Variants in SSH1 observed in about 807,000 individuals in gnomAD.
SSH1 encodes the protein protein phosphatase Slingshot homolog 1.
Under a neutral mutation model 79.7 loss-of-function variants are expected in SSH1, and 43 were observed. The observed-to-expected ratio is 0.54, with a 90% CI of 0.42 to 0.70. The LOEUF is 0.70. Among genes scored for constraint, SSH1 ranks in the 30% least tolerant of loss-of-function variants. SSH1 has a pLI of 0.00. For missense variants in SSH1, 1,206 were observed against 1,358.8 expected (o/e 0.89, Z 1.77); for synonymous variants, 599 against 538.3 (o/e 1.11, Z -1.56).
chr12:108,816,913 C>T, intron 5 of SSH1, 125 bp downstream of exon 5: 2 of 1,471,008 alleles, frequency 1.4e-6, no homozygotes, highest in Non-Finnish European at 1.9e-6. Flanking sequence ...TGGCTCGACT[C>T]CCCAGGCTCT....
At chr12:108,797,377 G>A (rs1435753123) in intron 13 of SSH1, among the ~76,000 whole-genome samples, 1 of 152,022 alleles carries the variant, frequency 6.6e-6, no homozygotes, top group East Asian at 1.9e-4. Flanking sequence ...TAGGCAGACA[G>A]GTGCGGGTCC....
intron 13 of SSH1, among the ~76,000 whole-genome samples, chr12:108,794,747 C>T (rs2036668677): frequency 6.6e-6 from 1 of 152,086 alleles, no homozygotes. Flanking sequence ...ACACACCTCC[C>T]TCATATCTTG....
At chr12:108,852,883 A>G in intron 1 of SSH1, 33 of 985,376 alleles carry the variant, frequency 3.3e-5, no homozygotes, top group Non-Finnish European at 3.9e-5. Flanking sequence ...AGGTTTCCAA[A>G]TGTTGACCCA....
chr12:108,838,975 T>G (rs1240970712), intron 2 of SSH1, among the ~76,000 whole-genome samples: 1 of 152,228 alleles, frequency 6.6e-6, no homozygotes, highest in Non-Finnish European at 1.5e-5. Context: ...CGTGTCCCGA[T>G]TTTCTCACTA....
chr12:108,818,188 A>G, intron 4 of SSH1, 61 bp downstream of exon 4: 1,966 of 1,012,810 alleles, frequency 1.9e-3, no homozygotes, highest in Non-Finnish European at 2.8e-3. Flanking sequence ...ACAGAGCAAG[A>G]CCCTCATCTC....
intron 2 of SSH1, among the ~76,000 whole-genome samples, chr12:108,829,123 T>C (rs1379271689): frequency 6.6e-6 from 1 of 151,930 alleles, no homozygotes; most frequent in African/African-American, 2.4e-5. Flanking sequence ...AGGTCAGGAG[T>C]TCGAGACTAG....
Position 108,841,216 on chromosome 12 carries a change from T to G in SSH1, c.110+11422A>C, listed in dbSNP as rs1193407680. Among the ~76,000 whole-genome samples, 3 of 152,224 alleles carry G rather than the reference T, an allele frequency of 2.0e-5. No individual in the cohort carries two copies. In the East Asian group the frequency reaches 5.8e-4, roughly 29 times the overall value. On this transcript the variant is annotated intron_variant, in intron 2 of 14. Transcript: ENST00000326495. ...AGCTTTGCCCCATTTATCATGAAGA[T>G]GAACGCTGGTAACACTGCTACCTAC...
At chr12:108,854,838 G>A (rs1163662277) in intron 1 of SSH1, among the ~76,000 whole-genome samples, 3 of 152,170 alleles carry the variant, frequency 2.0e-5, no homozygotes, top group Non-Finnish European at 4.4e-5. Flanking sequence ...GCGGACCAGG[G>A]CAGAACCGGC....
intron 1 of SSH1, among the ~76,000 whole-genome samples, chr12:108,853,802 T>C (rs1714523809): frequency 6.6e-6 from 1 of 151,646 alleles, no homozygotes; most frequent in Non-Finnish European, 1.5e-5. Flanking sequence ...CATGTACCTG[T>C]AATCCCAGCT....
chr12:108,804,833 G>A (rs542197625), intron 10 of SSH1, among the ~76,000 whole-genome samples: 1 of 152,310 alleles, frequency 6.6e-6, no homozygotes, highest in South Asian at 2.1e-4. Context: ...ACTCCCCGCA[G>A]CTCAGCTGGA....
intron 3 of SSH1, among the ~76,000 whole-genome samples, chr12:108,819,189 C>T (rs2137166002): frequency 6.6e-6 from 1 of 152,308 alleles, no homozygotes; most frequent in South Asian, 2.1e-4. Flanking sequence ...TGAATAGAAA[C>T]CAATCTGTCA....
In SSH1 at chr12:108,792,395, C is replaced by G. The variant is rs2036545910; in HGVS notation, c.1784G>C (p.Gly595Ala). The change falls in exon 14 of 15, where the codon GGC becomes GCC. Residue 595 changes from glycine to alanine, a missense_variant. Gly to Ala is a moderately conservative substitution (Grantham distance 60). Transcript: ENST00000326495. ...LQVEETEREE[G>A]LGAGRWGQLP... ...CTGCCCCCACCTCCCTGCTCCCAGGCCCTCCTCCCTTTCCGTCTCCTCCAC... is the reference window on the plus strand; with the variant it reads ...CTGCCCCCACCTCCCTGCTCCCAGGGCCTCCTCCCTTTCCGTCTCCTCCAC... 1 of 1,614,194 alleles carries G rather than the reference C, an allele frequency of 6.2e-7. No homozygotes were observed. Among genetic ancestry groups the G allele is most frequent in the South Asian group, 1.1e-5 (1 of 91,084 alleles).
Position 108,823,293 on chromosome 12 carries a change from C to G in SSH1, c.179G>C (p.Gly60Ala), listed in dbSNP as rs147144616. The change falls in exon 3 of 15, where the codon GGC (glycine) becomes GCC (alanine). Residue 60 changes from glycine to alanine, a missense_variant. This residue lies in a region of SSH1 where 100 missense variants were observed against 82.3 expected (regional missense o/e 1.21). Coordinates refer to ENST00000326495, the MANE Select transcript of SSH1 (RefSeq NM_018984.4). ...LFLQQGSSPQGQRSLQHPHKH... is the reference protein window; with the variant it reads ...LFLQQGSSPQAQRSLQHPHKH... ...GTGGGGGTGCTGAAGACTCCGCTGG[C>G]CTTGAGGGCTGCTTCCCTGTTGTAA... is the stretch of plus-strand genomic sequence containing the variant. 8.1e-4 allele frequency: 1,288 copies of G among 1,590,244 alleles called. 10 individuals carry two copies. In the African/African-American group the frequency reaches 0.016, roughly 20 times the overall value.
At chr12:108,845,631 G>A (rs769879065) in intron 2 of SSH1, among the ~76,000 whole-genome samples, 2 of 152,214 alleles carry the variant, frequency 1.3e-5, no homozygotes, top group Admixed American at 6.5e-5. Flanking sequence ...AGGTTGCAGC[G>A]AGCTGAGATT....
At chr12:108,832,627 C>T (rs959330568) in intron 2 of SSH1, among the ~76,000 whole-genome samples, 2 of 152,192 alleles carry the variant, frequency 1.3e-5, no homozygotes, top group Non-Finnish European at 2.9e-5. Context: ...GAGAGATTAG[C>T]TAAAGACTGC....
At position 108,785,162 on chromosome 12, in the gene SSH1, C is replaced by G. The variant is rs1488098558; in HGVS notation, c.*2826G>C. ...AGTTTCACTCCCAGTTTCATTGCACCCAGGCTGGAGTGCAGTGGCGCGATC... is the reference window on the plus strand; with the variant it reads ...AGTTTCACTCCCAGTTTCATTGCACGCAGGCTGGAGTGCAGTGGCGCGATC... On this transcript the variant is annotated 3_prime_UTR_variant, in exon 15 of 15. Transcript: ENST00000326495. 6.6e-6 allele frequency: 1 copy of G among 152,182 alleles called. No individual in the cohort carries two copies. The highest frequency in any genetic ancestry group is 2.4e-5 in the African/African-American group (1 of 41,432). 9.4% of individuals were successfully genotyped at this position (152,182 alleles called of 1,614,324 possible).
intron 12 of SSH1, among the ~76,000 whole-genome samples, chr12:108,799,717 G>A (rs1368288749): frequency 6.6e-6 from 1 of 152,222 alleles, no homozygotes; most frequent in Non-Finnish European, 1.5e-5. Flanking sequence ...AGACAGGAGG[G>A]CCAGGGAGCA....
At chr12:108,828,328 T>C (rs2038382299) in intron 2 of SSH1, among the ~76,000 whole-genome samples, 1 of 152,154 alleles carries the variant, frequency 6.6e-6, no homozygotes, top group Non-Finnish European at 1.5e-5. Flanking sequence ...AACCCCAGCT[T>C]GCCTAGGAGC....
At chr12:108,790,803 G>A (rs949739604) in intron 14 of SSH1, among the ~76,000 whole-genome samples, 2 of 152,186 alleles carry the variant, frequency 1.3e-5, no homozygotes, top group Non-Finnish European at 2.9e-5. Context: ...TGAGAACCAC[G>A]GCTGTCCTGT....
Sources: gnomAD v4.1 joint callset for allele counts (sites outside exome capture counted in the v4.1 genomes callset) on GRCh38, gnomAD v4.1.1 for gene constraint, gnomAD v4.1.1 regional missense constraint, MANE v1.5 for transcripts, NCBI Gene and HGNC (gene_info 2026-07-23, HGNC 2026-07-21) for gene names.